Variants in KCNN3 observed in about 807,000 individuals in gnomAD.
KCNN3 encodes small conductance calcium-activated potassium channel protein 3.
In KCNN3, 16 loss-of-function variants were observed where a neutral mutation model predicts 62.9. That is an observed-to-expected ratio of 0.25 (90% CI 0.17 to 0.39). KCNN3 has a LOEUF of 0.39. KCNN3 is among the 10% of genes least tolerant of loss of function. The probability of loss-of-function intolerance (pLI) is 1.00; values close to 1 mark genes in which losing one functional copy is unlikely to be tolerated. For missense variants in KCNN3, 599 were observed against 949.4 expected (o/e 0.63, Z 4.85); for synonymous variants, 370 against 389.2 (o/e 0.95, Z 0.58).
chr1:154,826,951 G>A (rs1651158581), intron 1 of KCNN3, among the ~76,000 whole-genome samples: 1 of 152,192 alleles, frequency 6.6e-6, no homozygotes. Flanking sequence ...TACCCACAAA[G>A]AGTATATGTG....
At chr1:154,826,151 C>A (rs1218553) in intron 1 of KCNN3, among the ~76,000 whole-genome samples, 109,608 of 149,784 alleles carry the variant, frequency 0.73, 41,038 homozygotes, top group East Asian at 0.94. Flanking sequence ...TGATGATAGA[C>A]TATTAAGTGA....
At chr1:154,711,724 T>C (rs1182346241) in intron 7 of KCNN3, among the ~76,000 whole-genome samples, 1 of 152,132 alleles carries the variant, frequency 6.6e-6, no homozygotes, top group Non-Finnish European at 1.5e-5. Context: ...GGTCCCAGGG[T>C]GGATACGTGG....
Position 154,707,676 on chromosome 1 carries a change from C to G in KCNN3, c.*300G>C. 1 of 333,922 alleles carries G rather than the reference C, an allele frequency of 3.0e-6. No individual in the cohort carries two copies. The highest frequency in any genetic ancestry group is 4.8e-5 in the South Asian group (1 of 20,890). The allele number at this position is 333,922 out of a possible 1,614,324, so 20.7% of individuals were successfully genotyped here. A position where few individuals can be genotyped will look rare whatever the true frequency, so the allele number is the denominator to read the frequency against. Reference sequence around the variant, plus strand: ...TGACCCCCACCCCCCGCGTGAAGACCTGAGATTGAGCGTGGATTTCTGTTC... The same window carrying G: ...TGACCCCCACCCCCCGCGTGAAGACGTGAGATTGAGCGTGGATTTCTGTTC... On this transcript the variant is annotated 3_prime_UTR_variant, in exon 8 of 8. Coordinates refer to ENST00000271915, the MANE Select transcript of KCNN3 (RefSeq NM_002249.6).
intron 2 of KCNN3, among the ~76,000 whole-genome samples, chr1:154,812,405 C>T (rs1479429193): frequency 2.0e-5 from 3 of 152,096 alleles, no homozygotes; most frequent in Non-Finnish European, 2.9e-5. Flanking sequence ...CTATCCCTCC[C>T]CCATCCCCCC....
At chr1:154,826,213 T>C (rs1441962523) in intron 1 of KCNN3, among the ~76,000 whole-genome samples, 1 of 152,214 alleles carries the variant, frequency 6.6e-6, no homozygotes, top group East Asian at 1.9e-4. Context: ...ATTTCATTTT[T>C]AAGCTTTTTT....
chr1:154,808,976 C>T (rs970606041), intron 2 of KCNN3, among the ~76,000 whole-genome samples: 6 of 152,122 alleles, frequency 3.9e-5, no homozygotes, highest in African/African-American at 9.7e-5. Context: ...AGTTCAGAGG[C>T]GGTGGCTGCT....
chr1:154,764,493 G>T (rs1571252266), intron 3 of KCNN3, among the ~76,000 whole-genome samples: 1 of 152,234 alleles, frequency 6.6e-6, no homozygotes, highest in East Asian at 1.9e-4. Context: ...TATGGCTGAT[G>T]CTACTGTTAT....
intron 1 of KCNN3, among the ~76,000 whole-genome samples, chr1:154,858,967 G>A (rs562109666): frequency 2.0e-5 from 3 of 152,264 alleles, no homozygotes; most frequent in Admixed American, 6.5e-5. Flanking sequence ...ACCCAGGCTA[G>A]CACACCTGGC....
intron 1 of KCNN3, among the ~76,000 whole-genome samples, chr1:154,864,179 G>T (rs1652871805): frequency 6.6e-6 from 1 of 152,208 alleles, no homozygotes; most frequent in African/African-American, 2.4e-5. Context: ...GGTCCTGCAG[G>T]TCACCCCACA....
intron 5 of KCNN3, among the ~76,000 whole-genome samples, chr1:154,720,287 A>G (rs1464986961): frequency 6.6e-6 from 1 of 152,160 alleles, no homozygotes; most frequent in Non-Finnish European, 1.5e-5. Flanking sequence ...TTCTGTGACT[A>G]TTGCTAAAGA....
chr1:154,753,763 A>G (rs1647501903), intron 3 of KCNN3, among the ~76,000 whole-genome samples: 1 of 152,224 alleles, frequency 6.6e-6, no homozygotes, highest in Non-Finnish European at 1.5e-5. Flanking sequence ...CCAGCTGTTC[A>G]GGTCTCCTCT....
intron 3 of KCNN3, among the ~76,000 whole-genome samples, chr1:154,767,766 G>A (rs1046474629): frequency 3.3e-5 from 5 of 152,218 alleles, no homozygotes; most frequent in Admixed American, 2.6e-4. Flanking sequence ...CTCTCTGGGG[G>A]CCAAGGAAAA....
intron 4 of KCNN3, 113 bp from the exon 5 acceptor site, chr1:154,726,139 G>A: frequency 2.7e-6 from 2 of 732,806 alleles, no homozygotes; most frequent in Non-Finnish European, 2.3e-6. Context: ...AGTGGAGTGG[G>A]AACTTGAGCT....
intron 3 of KCNN3, among the ~76,000 whole-genome samples, chr1:154,736,546 C>T (rs957847570): frequency 2.0e-5 from 3 of 152,224 alleles, no homozygotes; most frequent in Non-Finnish European, 4.4e-5. Flanking sequence ...CTGCTAGAAG[C>T]TTTGCAGGTG....
chr1:154,755,493 G>GGAAGGAAAGGAAGGAAGGAAGGAAGGA (rs1647600993), intron 3 of KCNN3, among the ~76,000 whole-genome samples: 2 of 55,240 alleles, frequency 3.6e-5, no homozygotes, highest in South Asian at 5.5e-4. Flanking sequence ...GGAAGAAAGG[G>GGAAGGAAAGGAAGGAAGGAAGGAAGGA]AGAAAGAAAG....
rs561451742 is a variant in KCNN3 at position 154,711,866 on chromosome 1, G to A, written c.1899+1598C>T. On this transcript the variant is annotated intron_variant, in intron 7 of 7. Coordinates refer to ENST00000271915, the MANE Select transcript of KCNN3 (RefSeq NM_002249.6). ...ATTGGAGCCTGTTACAGTCTGTCGCGGGGACAGGAGGCAGAGAGGGAGAGA... is the reference window on the plus strand; with the variant it reads ...ATTGGAGCCTGTTACAGTCTGTCGCAGGGACAGGAGGCAGAGAGGGAGAGA... Among the ~76,000 whole-genome samples, 21 of 152,206 alleles carry A rather than the reference G, an allele frequency of 1.4e-4. No homozygotes were observed. The South Asian group carries it at 3.1e-3, about 23-fold the overall frequency.
At chr1:154,818,490 C>T (rs1650762399) in intron 2 of KCNN3, among the ~76,000 whole-genome samples, 1 of 152,202 alleles carries the variant, frequency 6.6e-6, no homozygotes, top group Admixed American at 6.5e-5. Flanking sequence ...TCAGATGTTG[C>T]CAATGTGGTA....
intron 2 of KCNN3, among the ~76,000 whole-genome samples, chr1:154,819,564 C>G (rs978172038): frequency 6.6e-6 from 1 of 152,214 alleles, no homozygotes; most frequent in African/African-American, 2.4e-5. Flanking sequence ...CCCACTGACT[C>G]TCTGGGCCCA....
chr1:154,847,816 C>T (rs1263435161), intron 1 of KCNN3, among the ~76,000 whole-genome samples: 1 of 152,220 alleles, frequency 6.6e-6, no homozygotes, highest in Non-Finnish European at 1.5e-5. Flanking sequence ...GTAATTACAC[C>T]TGTGTGATGC....
Sources: gnomAD v4.1 joint callset for allele counts (sites outside exome capture counted in the v4.1 genomes callset) on GRCh38, gnomAD v4.1.1 for gene constraint, MANE v1.5 for transcripts, NCBI Gene and HGNC (gene_info 2026-07-23, HGNC 2026-07-21) for gene names.